CACNA2D3: variants seen among roughly 807,000 people sequenced by gnomAD.
CACNA2D3 encodes the protein calcium voltage-gated channel auxiliary subunit alpha2delta 3, also known as voltage-dependent calcium channel subunit alpha-2/delta-3.
A neutral mutation model predicts 160.6 loss-of-function variants in CACNA2D3; 60 were observed. The observed-to-expected ratio is 0.37, with a 90% CI of 0.30 to 0.46. The LOEUF is 0.46. Among genes scored for constraint, CACNA2D3 ranks in the 20% least tolerant of loss-of-function variants. The probability of loss-of-function intolerance (pLI) is 1.00; values close to 1 mark genes in which losing one functional copy is unlikely to be tolerated. For synonymous variants in CACNA2D3, 558 were observed against 492.9 expected, an observed-to-expected ratio of 1.13 and a Z score of -1.75; for missense variants, 1,205 against 1,365.0, an observed-to-expected ratio of 0.88 and a Z score of 1.85.
chr3:54,663,045 TA>T (rs1472997917), intron 11 of CACNA2D3, among the ~76,000 whole-genome samples: 22 of 152,220 alleles, frequency 1.4e-4, no homozygotes, highest in Non-Finnish European at 1.0e-4. Context: ...GGAAATGGGA[TA>T]AAATTATTGA....
chr3:54,750,139 G>A (rs1000215661), intron 11 of CACNA2D3, among the ~76,000 whole-genome samples: 1 of 152,204 alleles, frequency 6.6e-6, no homozygotes, highest in Non-Finnish European at 1.5e-5. Context: ...GTGATTCACA[G>A]TATTGTTCTG....
chr3:54,982,496 G>A (rs543698866), intron 29 of CACNA2D3, among the ~76,000 whole-genome samples: 2 of 152,052 alleles, frequency 1.3e-5, no homozygotes, highest in Non-Finnish European at 1.5e-5. Context: ...TGGGTTGGGG[G>A]TCTCTTCAGT....
Position 55,024,674 on chromosome 3 carries a change from G to A in CACNA2D3, c.2987+6357G>A, listed in dbSNP as rs142976611. 1.2e-3 allele frequency among the ~76,000 whole-genome samples: 190 copies of A among 152,192 alleles called. 1 individual carries two copies. The highest frequency in any genetic ancestry group is 1.1e-3 in the Non-Finnish European group (78 of 68,022). On this transcript the variant is annotated intron_variant, in intron 35 of 37. Coordinates refer to ENST00000474759, the MANE Select transcript of CACNA2D3 (RefSeq NM_018398.3). The stretch of plus-strand genomic sequence containing the variant: ...CCAAAACTGTGAGCAATAAATTTCC[G>A]TTGTTTATAAATTACCCACTCTGAG...
chr3:54,805,882 G>T (rs1162497682), intron 13 of CACNA2D3, among the ~76,000 whole-genome samples: 1 of 152,122 alleles, frequency 6.6e-6, no homozygotes, highest in Admixed American at 6.5e-5. Flanking sequence ...TCCCTGGGAT[G>T]CAAGGCTGGT....
intron 5 of CACNA2D3, among the ~76,000 whole-genome samples, chr3:54,540,514 A>G (rs1029108992): frequency 1.1e-4 from 17 of 152,192 alleles, no homozygotes; most frequent in African/African-American, 4.1e-4. Flanking sequence ...AACGTGGGAA[A>G]TCGTCAGACA....
chr3:54,173,930 A>C (rs1700619654), intron 2 of CACNA2D3, among the ~76,000 whole-genome samples: 1 of 152,208 alleles, frequency 6.6e-6, no homozygotes, highest in Admixed American at 6.5e-5. Context: ...CTCTGGACCC[A>C]CTGGGGGATG....
At chr3:54,985,886 A>G (rs1469216200) in intron 30 of CACNA2D3, among the ~76,000 whole-genome samples, 5 of 152,154 alleles carry the variant, frequency 3.3e-5, no homozygotes, top group Non-Finnish European at 4.4e-5. Flanking sequence ...TTGAGACTCA[A>G]AATGCCCATT....
intron 11 of CACNA2D3, among the ~76,000 whole-genome samples, chr3:54,654,547 G>A (rs752321831): frequency 9.9e-5 from 15 of 152,148 alleles, no homozygotes; most frequent in Non-Finnish European, 1.6e-4. Context: ...TCAATAGTTC[G>A]TATGGGAGGA....
chr3:54,671,545 A>G (rs1039602328), intron 11 of CACNA2D3, among the ~76,000 whole-genome samples: 2 of 152,198 alleles, frequency 1.3e-5, no homozygotes, highest in African/African-American at 4.8e-5. Context: ...GAGCTCCTCT[A>G]TCAGCCCTCA....
Position 54,722,423 on chromosome 3 carries a change from C to T in CACNA2D3, c.1168-30176C>T, listed in dbSNP as rs539828154. On this transcript the variant is annotated intron_variant, in intron 11 of 37. Coordinates refer to ENST00000474759, the MANE Select transcript of CACNA2D3 (RefSeq NM_018398.3). ...AGCCTACTTCTGTCAATTTGTCAAA[C>T]CTATTCTCTGTCCAGTTTTGTTCCC... Among the ~76,000 whole-genome samples, 143 of 152,258 alleles carry T rather than the reference C, an allele frequency of 9.4e-4. 2 individuals carry two copies. The highest frequency in any genetic ancestry group is 3.4e-3 in the African/African-American group (142 of 41,556).
chr3:54,593,430 G>A (rs568924315), intron 9 of CACNA2D3, among the ~76,000 whole-genome samples: 3 of 151,952 alleles, frequency 2.0e-5, no homozygotes, highest in South Asian at 4.2e-4. Context: ...GAGGAGAGAC[G>A]AGGAAAGAAG....
chr3:55,028,468 AT>A (rs1360284722), intron 35 of CACNA2D3, among the ~76,000 whole-genome samples: 1 of 152,032 alleles, frequency 6.6e-6, no homozygotes, highest in Non-Finnish European at 1.5e-5. Context: ...CTCAGCCCAT[AT>A]TTTCTGGGCA....
intron 3 of CACNA2D3, among the ~76,000 whole-genome samples, chr3:54,369,019 T>C (rs1355453233): frequency 6.6e-6 from 1 of 152,074 alleles, no homozygotes; most frequent in African/African-American, 2.4e-5. Context: ...GGTTCTCTTA[T>C]AGCTATCCTT....
At chr3:54,459,823 T>G (rs1700465865) in intron 4 of CACNA2D3, among the ~76,000 whole-genome samples, 1 of 152,228 alleles carries the variant, frequency 6.6e-6, no homozygotes, top group South Asian at 2.1e-4. Flanking sequence ...TTGCTTTTGG[T>G]GTTTTAGACA....
intron 9 of CACNA2D3, among the ~76,000 whole-genome samples, chr3:54,599,558 T>G (rs1333647442): frequency 6.6e-6 from 1 of 152,088 alleles, no homozygotes; most frequent in African/African-American, 2.4e-5. Flanking sequence ...AGTTTCTGTT[T>G]TTTCTTCCCG....
At chr3:54,553,397 T>A (rs1023807371) in intron 5 of CACNA2D3, among the ~76,000 whole-genome samples, 8 of 152,160 alleles carry the variant, frequency 5.3e-5, no homozygotes, top group Non-Finnish European at 2.9e-5. Context: ...AGAAGAAAAC[T>A]CCTGCGTGGG....
intron 11 of CACNA2D3, among the ~76,000 whole-genome samples, chr3:54,668,807 A>G (rs897360230): frequency 3.9e-5 from 6 of 152,216 alleles, no homozygotes; most frequent in Admixed American, 2.6e-4. Context: ...AAGGCCGTAC[A>G]GTGTCCAGGC....
At chr3:54,372,408 G>A (rs1456066969) in intron 3 of CACNA2D3, among the ~76,000 whole-genome samples, 1 of 152,144 alleles carries the variant, frequency 6.6e-6, no homozygotes, top group Non-Finnish European at 1.5e-5. Flanking sequence ...TTGGAGAGTT[G>A]CCAGAGTCCC....
chr3:54,596,534 C>T (rs1477484460), intron 9 of CACNA2D3, among the ~76,000 whole-genome samples: 1 of 152,132 alleles, frequency 6.6e-6, no homozygotes, highest in Non-Finnish European at 1.5e-5. Flanking sequence ...CACTGCCCTT[C>T]ACTGTCAGAA....
Sources: gnomAD v4.1 joint callset for allele counts (sites outside exome capture counted in the v4.1 genomes callset) on GRCh38, gnomAD v4.1.1 for gene constraint, MANE v1.5 for transcripts, NCBI Gene and HGNC (gene_info 2026-07-23, HGNC 2026-07-21) for gene names.